CCNY: variants seen among roughly 807,000 people sequenced by gnomAD.
The protein encoded by CCNY is cyclin-Y.
Under a neutral mutation model 42.8 loss-of-function variants are expected in CCNY, and 19 were observed. That is an observed-to-expected ratio of 0.44 (90% CI 0.31 to 0.65). CCNY has a LOEUF of 0.65. CCNY is among the 30% of genes least tolerant of loss of function. CCNY has a pLI of 0.07. For missense variants in CCNY, 370 were observed against 437.3 expected (o/e 0.85, Z 1.37); for synonymous variants, 165 against 162.7 (o/e 1.01, Z -0.11).
At chr10:35,436,605 C>T (rs1050475576) in intron 1 of CCNY, among the ~76,000 whole-genome samples, 1 of 152,180 alleles carries the variant, frequency 6.6e-6, no homozygotes, top group Non-Finnish European at 1.5e-5. Flanking sequence ...GGAGGCACAG[C>T]ACTTGCTCTT....
At chr10:35,423,713 C>G (rs1285638303) in intron 1 of CCNY, among the ~76,000 whole-genome samples, 2 of 152,086 alleles carry the variant, frequency 1.3e-5, no homozygotes, top group African/African-American at 4.8e-5. Context: ...TTTGACCTGC[C>G]TCAGTCCTGG....
chr10:35,315,918 T>C (rs1427599915), intron 3 of CCNY, among the ~76,000 whole-genome samples: 4 of 152,224 alleles, frequency 2.6e-5, no homozygotes, highest in Admixed American at 6.5e-5. Context: ...ACTGGAATGC[T>C]AAGAACATCT....
At chr10:35,448,493 G>A (rs1414441746) in intron 1 of CCNY, among the ~76,000 whole-genome samples, 1 of 152,152 alleles carries the variant, frequency 6.6e-6, no homozygotes, top group Non-Finnish European at 1.5e-5. Flanking sequence ...AAATTGGCAT[G>A]TGTAAAATTC....
intron 1 of CCNY, among the ~76,000 whole-genome samples, chr10:35,481,407 A>G (rs1281890171): frequency 6.6e-6 from 1 of 152,232 alleles, no homozygotes; most frequent in African/African-American, 2.4e-5. Flanking sequence ...TTCTCCAAGA[A>G]ATGACAGTCT....
At chr10:35,480,237 T>TA (rs1260389020) in intron 1 of CCNY, among the ~76,000 whole-genome samples, 2 of 152,088 alleles carry the variant, frequency 1.3e-5, no homozygotes, top group African/African-American at 4.8e-5. Context: ...TTGTCAGACT[T>TA]AGAGTTATAA....
intron 1 of CCNY, among the ~76,000 whole-genome samples, chr10:35,357,075 G>A (rs904577386): frequency 2.0e-5 from 3 of 150,534 alleles, no homozygotes; most frequent in African/African-American, 7.4e-5. Flanking sequence ...TCTTCCCAAA[G>A]CTCATCACCT....
At position 35,435,857 on chromosome 10, in the gene CCNY, G is replaced by T. The variant is rs115331167; in HGVS notation, c.155-47547G>T. Among the ~76,000 whole-genome samples the T allele has an allele frequency of 5.4e-3, 826 of 152,316 alleles. 10 individuals carry two copies. Among genetic ancestry groups the T allele is most frequent in the African/African-American group, 0.019 (784 of 41,562 alleles). ...ATTAAATGGGAGAACATCTGGCACA[G>T]ATAATGGCTAAGATGTTTAAGTTCC... On this transcript the variant is annotated intron_variant, in intron 1 of 9. Coordinates refer to ENST00000374704, the MANE Select transcript of CCNY (RefSeq NM_145012.6).
At chr10:35,287,580 A>C (rs1835367976) in intron 3 of CCNY, among the ~76,000 whole-genome samples, 1 of 152,208 alleles carries the variant, frequency 6.6e-6, no homozygotes, top group Non-Finnish European at 1.5e-5. Flanking sequence ...AATTGGAATC[A>C]TATAGTGTAC....
chr10:35,346,600 A>T (rs757637365), intron 1 of CCNY, among the ~76,000 whole-genome samples: 3 of 152,062 alleles, frequency 2.0e-5, no homozygotes, highest in Non-Finnish European at 4.4e-5. Context: ...TGTTTTTTTC[A>T]CCTTTGTCAG....
chr10:35,447,323 G>A (rs113109916), intron 1 of CCNY, among the ~76,000 whole-genome samples: 1 of 152,188 alleles, frequency 6.6e-6, no homozygotes, highest in Non-Finnish European at 1.5e-5. Flanking sequence ...AGTTTAACAC[G>A]TGGCTTTGTA....
chr10:35,256,343 G>A (rs1589001444), intron 3 of CCNY, among the ~76,000 whole-genome samples: 2 of 151,838 alleles, frequency 1.3e-5, no homozygotes, highest in South Asian at 2.1e-4. Flanking sequence ...TTCTCATTTC[G>A]TTGTGTGTAT....
intron 8 of CCNY, among the ~76,000 whole-genome samples, chr10:35,555,170 A>G (rs1267417691): frequency 6.6e-6 from 1 of 152,206 alleles, no homozygotes; most frequent in African/African-American, 2.4e-5. Context: ...GAGAGGTTCA[A>G]TAATGCTCCA....
chr10:35,419,012 G>C (rs1436775537), intron 1 of CCNY, among the ~76,000 whole-genome samples: 1 of 151,942 alleles, frequency 6.6e-6, no homozygotes, highest in Admixed American at 6.6e-5. Context: ...GTAGAGATGG[G>C]GTTTCACCAT....
At chr10:35,492,281 A>C (rs1266337130) in intron 2 of CCNY, among the ~76,000 whole-genome samples, 1 of 152,078 alleles carries the variant, frequency 6.6e-6, no homozygotes, top group Non-Finnish European at 1.5e-5. Flanking sequence ...AGAGGCCATC[A>C]TCTGTGGCAT....
chr10:35,524,592 A>G (rs567253515), intron 4 of CCNY, among the ~76,000 whole-genome samples: 5 of 152,352 alleles, frequency 3.3e-5, no homozygotes, highest in Admixed American at 3.3e-4. Flanking sequence ...TGTTGCAGCC[A>G]GTTACCTATG....
intron 1 of CCNY, among the ~76,000 whole-genome samples, chr10:35,419,206 G>A (rs1040574329): frequency 6.6e-6 from 1 of 152,120 alleles, no homozygotes; most frequent in Non-Finnish European, 1.5e-5. Context: ...GTGCTCAATT[G>A]TATTACTATT....
chr10:35,490,617 C>G (rs189788010), intron 2 of CCNY, among the ~76,000 whole-genome samples: 2 of 152,228 alleles, frequency 1.3e-5, no homozygotes, highest in Non-Finnish European at 1.5e-5. Flanking sequence ...AAACCATCCT[C>G]ACTGTGATAT....
chr10:35,438,436 A>G (rs1838589913), intron 1 of CCNY, among the ~76,000 whole-genome samples: 1 of 152,146 alleles, frequency 6.6e-6, no homozygotes, highest in Admixed American at 6.5e-5. Context: ...GGTTACAGTC[A>G]TGAGCCATCA....
chr10:35,498,219 T>C (rs1840040464), intron 2 of CCNY, among the ~76,000 whole-genome samples: 1 of 152,176 alleles, frequency 6.6e-6, no homozygotes, highest in Non-Finnish European at 1.5e-5. Context: ...GGAGGACCAC[T>C]CATGTAAGAA....
Sources: allele counts gnomAD v4.1 joint callset (sites outside exome capture counted in the v4.1 genomes callset), GRCh38; gene constraint gnomAD v4.1.1; transcripts MANE v1.5; gene names NCBI Gene and HGNC (gene_info 2026-07-23, HGNC 2026-07-21).